Variants in PFKL observed in about 807,000 individuals in gnomAD.
PFKL encodes phosphofructokinase, liver type, also known as ATP-dependent 6-phosphofructokinase, liver type.
In PFKL, 74 loss-of-function variants were observed where a neutral mutation model predicts 92.1. That is an observed-to-expected ratio of 0.80 (90% CI 0.67 to 0.97). The LOEUF (loss-of-function observed/expected upper bound fraction) is 0.97, where lower values mean the gene tolerates loss of function less well. Among genes scored for constraint, PFKL ranks in the 50% least tolerant of loss-of-function variants. PFKL has a pLI of 0.00. For synonymous variants in PFKL, 494 were observed against 456.4 expected, an observed-to-expected ratio of 1.08 and a Z score of -1.05; for missense variants, 1,028 against 1,116.6, an observed-to-expected ratio of 0.92 and a Z score of 1.13.
chr21:44,304,103 G>C (rs79934442), intron 1 of PFKL, among the ~76,000 whole-genome samples: 12,264 of 151,562 alleles, frequency 0.081, 525 homozygotes, highest in South Asian at 0.1. Context: ...GTGGCCATGT[G>C]ACATGGCCAC....
intron 1 of PFKL, among the ~76,000 whole-genome samples, chr21:44,304,876 A>G (rs2040886936): frequency 1.3e-5 from 2 of 151,812 alleles, no homozygotes; most frequent in African/African-American, 2.4e-5. Flanking sequence ...GCTCCCATCT[A>G]TGTGGGGATG....
At chr21:44,324,434 C>A in intron 16 of PFKL, 57 bp from the exon 17 acceptor site, 1 of 1,577,848 alleles carries the variant, frequency 6.3e-7, no homozygotes, top group Admixed American at 1.7e-5. Context: ...GCCATGCCGA[C>A]GGCCTACAGG....
chr21:44,306,949 C>T (rs2040965154), intron 2 of PFKL, among the ~76,000 whole-genome samples, 195 bp downstream of exon 2: 2 of 152,198 alleles, frequency 1.3e-5, no homozygotes, highest in South Asian at 4.1e-4. Flanking sequence ...AGACCTACTG[C>T]CTTGGGACTC....
At chr21:44,306,835 C>A in intron 2 of PFKL, 81 bp downstream of exon 2, 1 of 1,246,146 alleles carries the variant, frequency 8.0e-7, no homozygotes, top group Non-Finnish European at 1.2e-6. Context: ...GTGTGGGTCA[C>A]ACTGGGAGAC....
chr21:44,316,301 C>T lies in PFKL; in HGVS notation c.805C>T (p.Arg269Cys), dbSNP rs150642566. The T allele has an allele frequency of 1.3e-5, 21 of 1,613,194 alleles. No homozygotes were observed. Among genetic ancestry groups the T allele is most frequent in the African/African-American group, 4.0e-5 (3 of 74,918 alleles). The change falls in exon 8 of 22, where the codon CGC becomes TGC. Residue 269 changes from arginine (R) to cysteine (C), a missense_variant. Physicochemically the swap from Arg to Cys is radical, Grantham distance 180. Transcript: ENST00000349048. Reference sequence around the variant, plus strand: ...CATCATCGCTGAGGGTGCCATTGACCGCAACGGGAAGCCCATCTCGTCCAG... The same window carrying T: ...CATCATCGCTGAGGGTGCCATTGACTGCAACGGGAAGCCCATCTCGTCCAG... ...IIIIAEGAID[R>C]NGKPISSSYV...
chr21:44,323,955 G>A (rs775097142), intron 16 of PFKL, 37 bp downstream of exon 16: 9 of 1,610,282 alleles, frequency 5.6e-6, no homozygotes, highest in African/African-American at 1.3e-5. Context: ...CCATGCCCAG[G>A]CCCTTGTGGG....
intron 3 of PFKL, among the ~76,000 whole-genome samples, 181 bp downstream of exon 3, chr21:44,311,264 A>G (rs1487403781): frequency 6.6e-6 from 1 of 151,832 alleles, no homozygotes; most frequent in Non-Finnish European, 1.5e-5. Context: ...AGATGCGTGC[A>G]CACACAGACC....
At position 44,324,385 on chromosome 21, in the gene PFKL, C is replaced by T. The variant is rs2047439583; in HGVS notation, c.1651-106C>T. On this transcript the variant is annotated intron_variant, in intron 16 of 21. Transcript: ENST00000349048. Reference sequence around the variant, plus strand: ...TGCTGGCTGTCTGGGTGCGTCAGCCCCAGGCTGGCTTTGGAGACACAGGGC... The same window carrying T: ...TGCTGGCTGTCTGGGTGCGTCAGCCTCAGGCTGGCTTTGGAGACACAGGGC... 17 of 1,204,240 alleles carry T rather than the reference C, an allele frequency of 1.4e-5. No homozygotes were observed. In the East Asian group the frequency reaches 4.2e-4, roughly 30 times the overall value. The allele number at this position is 1,204,240 out of a possible 1,614,324, so 74.6% of individuals were successfully genotyped here.
intron 10 of PFKL, among the ~76,000 whole-genome samples, chr21:44,319,063 C>T (rs1324482171): frequency 6.6e-6 from 1 of 151,996 alleles, no homozygotes; most frequent in Non-Finnish European, 1.5e-5. Context: ...AGCCCTGGCT[C>T]GGTGGGTTTG....
At position 44,316,474 on chromosome 21, in the gene PFKL, C is replaced by T. The variant is rs747361611; in HGVS notation, c.886C>T (p.Leu296=). The change falls in exon 9 of 22, where the codon CTG becomes TTG. Residue 296 remains leucine, a synonymous_variant. Transcript: ENST00000349048. ...RLGFDTRVTV[L]GHVQRGGTPS... ...GGGCTTCGACACCCGTGTAACTGTG[C>T]TGGGCCACGTGCAGCGGGGAGGGAC... is the stretch of plus-strand genomic sequence containing the variant. The T allele has an allele frequency of 1.2e-6, 2 of 1,609,856 alleles. No homozygotes were observed. The highest frequency in any genetic ancestry group is 1.7e-6 in the Non-Finnish European group (2 of 1,177,490).
At chr21:44,306,543 G>C in intron 1 of PFKL, 138 bp from the exon 2 acceptor site, 1 of 703,990 alleles carries the variant, frequency 1.4e-6, no homozygotes, top group Non-Finnish European at 2.5e-6. Context: ...AGGGTGACCA[G>C]GGCCTTCCCC....
intron 1 of PFKL, among the ~76,000 whole-genome samples, chr21:44,300,739 A>C (rs1158793122): frequency 1.5e-5 from 1 of 67,416 alleles, no homozygotes; most frequent in Non-Finnish European, 2.6e-5. Flanking sequence ...TGCCCGGGGC[A>C]TTGAGCAAAG....
In PFKL at chr21:44,326,969, G is replaced by C; in HGVS notation, c.*107G>C. ...GTCTGGAGCCTGCAGGCAGGTGGGG[G>C]CTGCGTCCCTGCTCAGCCCATCCCC... On this transcript the variant is annotated 3_prime_UTR_variant, in exon 22 of 22. Coordinates refer to ENST00000349048, the MANE Select transcript of PFKL (RefSeq NM_002626.6). 1.9e-6 allele frequency: 2 copies of C among 1,044,594 alleles called. No individual in the cohort carries two copies. The allele number at this position is 1,044,594 out of a possible 1,614,324, so 64.7% of individuals were successfully genotyped here. A position where few individuals can be genotyped will look rare whatever the true frequency, so the allele number is the denominator to read the frequency against.
intron 1 of PFKL, among the ~76,000 whole-genome samples, chr21:44,305,043 CT>C (rs1487263442): frequency 6.6e-6 from 1 of 152,170 alleles, no homozygotes; most frequent in African/African-American, 2.4e-5. Context: ...TCTGGCCCCC[CT>C]GTTGGATCCC....
intron 19 of PFKL, chr21:44,325,537 A>G (rs1323723360): frequency 1.8e-6 from 1 of 545,544 alleles, no homozygotes; most frequent in Non-Finnish European, 3.3e-6. Flanking sequence ...TCCCGCGGCC[A>G]CTTCCGCCGA....
At chr21:44,321,015 G>A (rs1568965281) in intron 12 of PFKL, 3 of 152,284 alleles carry the variant, frequency 2.0e-5, no homozygotes, top group South Asian at 2.1e-4. Context: ...TCTACCCTCC[G>A]TGGTGGGGCA....
At chr21:44,309,679 C>T (rs913986998) in intron 2 of PFKL, among the ~76,000 whole-genome samples, 1 of 152,180 alleles carries the variant, frequency 6.6e-6, no homozygotes, top group African/African-American at 2.4e-5. Context: ...GTTTGGTGGC[C>T]TCCTGCTCAG....
At chr21:44,302,233 C>T (rs906027791) in intron 1 of PFKL, among the ~76,000 whole-genome samples, 7 of 152,260 alleles carry the variant, frequency 4.6e-5, no homozygotes, top group Non-Finnish European at 2.9e-5. Context: ...CAAATGTCCT[C>T]CCTTCCCAAG....
Position 44,300,183 on chromosome 21 carries a change from C to T in PFKL, c.78C>T (p.Asp26=). The T allele has an allele frequency of 8.8e-7, 1 of 1,142,810 alleles. No individual in the cohort carries two copies. The highest frequency in any genetic ancestry group is 1.1e-6 in the Non-Finnish European group (1 of 923,484). 70.8% of individuals were successfully genotyped at this position (1,142,810 alleles called of 1,614,324 possible). A position where few individuals can be genotyped will look rare whatever the true frequency, so the allele number is the denominator to read the frequency against. ...KAIGVLTSGG[D]AQGMNAAVRA... is the part of the protein sequence containing the mutation. The stretch of plus-strand genomic sequence containing the variant: ...TCGGCGTCCTGACCAGCGGCGGCGA[C>T]GCGCAAGGTGGGCGGGGGTCCCGGC... Residue 26 remains aspartate, a synonymous_variant, in exon 1 of 22, where the codon GAC becomes GAT. Coordinates refer to ENST00000349048, the MANE Select transcript of PFKL (RefSeq NM_002626.6).
Sources: allele counts gnomAD v4.1 joint callset (sites outside exome capture counted in the v4.1 genomes callset), GRCh38; gene constraint gnomAD v4.1.1; transcripts MANE v1.5; gene names NCBI Gene and HGNC (gene_info 2026-07-23, HGNC 2026-07-21).